SPATA6L: variants seen among roughly 807,000 people sequenced by gnomAD.
SPATA6L encodes the protein spermatogenesis associated 6 like.
In SPATA6L, 68 loss-of-function variants were observed where a neutral mutation model predicts 49.2. The ratio of observed to expected loss-of-function variants is 1.38; its 90% CI spans 1.14 to 1.69. The LOEUF is 1.69. Among genes scored for constraint, SPATA6L ranks in the 40% most tolerant of loss-of-function variants. The probability of loss-of-function intolerance (pLI) is 0.00; values close to 1 mark genes in which losing one functional copy is unlikely to be tolerated. For missense variants in SPATA6L, 668 were observed against 464.3 expected (o/e 1.44, Z -4.03); for synonymous variants, 198 against 165.7 (o/e 1.19, Z -1.50).
At position 4,662,371 on chromosome 9, in the gene SPATA6L, C is replaced by T. The variant is rs758857857; in HGVS notation, c.40-335G>A. Reference sequence around the variant, plus strand: ...CAGGTCCCGGGATCCGGGCCGCCAGCTGCGATGCCAAGTCCCCGGAGGAGC... The same window carrying T: ...CAGGTCCCGGGATCCGGGCCGCCAGTTGCGATGCCAAGTCCCCGGAGGAGC... On this transcript the variant is annotated intron_variant, in intron 1 of 11. Transcript: ENST00000682582. This position sits in a 1 kb window ranked among gnomAD's most constrained non-coding sequence, Gnocchi z 4.9. 4.6e-6 allele frequency: 7 copies of T among 1,506,010 alleles called. No homozygotes were observed. In the African/African-American group the frequency reaches 5.6e-5, roughly 12 times the overall value. 93.3% of individuals were successfully genotyped at this position (1,506,010 alleles called of 1,614,324 possible).
intron 10 of SPATA6L, 152 bp downstream of exon 10, chr9:4,605,195 T>C: frequency 1.6e-6 from 1 of 643,306 alleles, no homozygotes; most frequent in Non-Finnish European, 2.8e-6. Flanking sequence ...CCATTCAATC[T>C]CAGGACAACA....
Position 4,622,409 on chromosome 9 carries a change from T to TC in SPATA6L, c.770dup (p.Ala258SerfsTer5), listed in dbSNP as rs1301112848. ...AGGAGTAACAAGAAACTCGAGTACC[T>TC]CTTCTCGTTGGAAACGGAAAGTCTG... On this transcript the variant is annotated frameshift_variant and splice_region_variant, in exon 7 of 12. Transcript: ENST00000682582. LOFTEE classifies it high-confidence loss of function. 1 of 1,597,964 alleles carries TC rather than the reference T, an allele frequency of 6.3e-7. No individual in the cohort carries two copies. The highest frequency in any genetic ancestry group is 1.3e-5 in the African/African-American group (1 of 74,580).
intron 9 of SPATA6L, among the ~76,000 whole-genome samples, chr9:4,610,329 G>T (rs1245382262): frequency 6.7e-6 from 1 of 148,548 alleles, no homozygotes. Flanking sequence ...AAAACAGCCC[G>T]CATCGCCAAG....
intron 3 of SPATA6L, among the ~76,000 whole-genome samples, chr9:4,648,435 C>T (rs1835941479): frequency 6.6e-6 from 1 of 152,100 alleles, no homozygotes; most frequent in African/African-American, 2.4e-5. Flanking sequence ...CACCGTGGCT[C>T]ACGCCTGTAA....
intron 3 of SPATA6L, among the ~76,000 whole-genome samples, chr9:4,641,848 C>T (rs752913259): frequency 1.1e-4 from 16 of 152,224 alleles, no homozygotes; most frequent in Non-Finnish European, 2.1e-4. Flanking sequence ...TCACAGCTCA[C>T]TGCAGCCTCA....
At chr9:4,613,738 C>A (rs1180832688) in intron 9 of SPATA6L, among the ~76,000 whole-genome samples, 3 of 152,102 alleles carry the variant, frequency 2.0e-5, no homozygotes, top group Admixed American at 2.0e-4. Flanking sequence ...TATAAGCCAC[C>A]AAGCCCAGCG....
chr9:4,644,703 A>T (rs1336687124), intron 3 of SPATA6L, among the ~76,000 whole-genome samples: 6 of 151,874 alleles, frequency 4.0e-5, no homozygotes, highest in African/African-American at 1.4e-4. Context: ...ACACACACAC[A>T]CACACACACA....
chr9:4,632,057 T>TTG (rs1831690479), intron 4 of SPATA6L, among the ~76,000 whole-genome samples: 1 of 145,842 alleles, frequency 6.9e-6, no homozygotes, highest in South Asian at 2.2e-4. Context: ...TTTTTTTTTT[T>TTG]GAGATGCAGT....
In SPATA6L at chr9:4,605,861, G is replaced by A. The variant is rs574067960; in HGVS notation, c.996-421C>T. Among the ~76,000 whole-genome samples, 17 of 152,340 alleles carry A rather than the reference G, an allele frequency of 1.1e-4. 1 individual carries two copies. In the East Asian group the frequency reaches 3.3e-3, roughly 29 times the overall value. On this transcript the variant is annotated intron_variant, in intron 9 of 11. Transcript: ENST00000682582. ...GTCTCCAGCTCCCAGCGTGAGCGAC[G>A]CAGAGGACGGGTGATTTCTGCATTT...
chr9:4,597,319 TACACACACACACACACACAC>T (rs57570250), downstream of SPATA6L, among the ~76,000 whole-genome samples: 7,610 of 143,712 alleles, frequency 0.053, 483 homozygotes, highest in African/African-American at 0.14. Context: ...GAAAACAAAA[TACACACACACACACACACAC>T]ACACACACAC....
At chr9:4,637,374 C>T (rs1477086312) in intron 3 of SPATA6L, among the ~76,000 whole-genome samples, 1 of 152,160 alleles carries the variant, frequency 6.6e-6, no homozygotes, top group Admixed American at 6.5e-5. Context: ...CCAGACACTC[C>T]CCATCACAAT....
intron 3 of SPATA6L, among the ~76,000 whole-genome samples, chr9:4,651,268 G>A (rs988593020): frequency 6.6e-6 from 1 of 151,914 alleles, no homozygotes; most frequent in South Asian, 2.1e-4. Context: ...TAAATGAAAT[G>A]GAAAAACTCC....
rs553148863 is a variant in SPATA6L at position 4,617,887 on chromosome 9, A to G, written c.995+36T>C. On this transcript the variant is annotated intron_variant, in intron 9 of 11. Transcript: ENST00000682582. ...CTTTACCCCTGCCAGGCCACAATGCACTCGTCAGGCAAACAGATGGGTGCT... is the reference window on the plus strand; with the variant it reads ...CTTTACCCCTGCCAGGCCACAATGCGCTCGTCAGGCAAACAGATGGGTGCT... The G allele has an allele frequency of 3.1e-5, 47 of 1,538,902 alleles. No homozygotes were observed. In the South Asian group the frequency reaches 5.2e-4, roughly 17 times the overall value.
At chr9:4,608,042 CAAAG>C (rs1334942161) in intron 9 of SPATA6L, among the ~76,000 whole-genome samples, 23 of 148,146 alleles carry the variant, frequency 1.6e-4, no homozygotes, top group Admixed American at 2.7e-4. Context: ...TCAAAAGAGA[CAAAG>C]AAGGCCATTA....
At chr9:4,638,343 C>G (rs1031699392) in intron 3 of SPATA6L, among the ~76,000 whole-genome samples, 5 of 152,118 alleles carry the variant, frequency 3.3e-5, no homozygotes, top group Non-Finnish European at 5.9e-5. Context: ...TCCCAAGCAG[C>G]TGGGACTAGA....
At chr9:4,614,058 T>C (rs1411561238) in intron 9 of SPATA6L, among the ~76,000 whole-genome samples, 1 of 152,240 alleles carries the variant, frequency 6.6e-6, no homozygotes, top group Non-Finnish European at 1.5e-5. Flanking sequence ...CAATTTATTT[T>C]ACATTTGAAG....
At chr9:4,617,331 C>T (rs1312831822) in intron 9 of SPATA6L, 1 of 152,196 alleles carries the variant, frequency 6.6e-6, no homozygotes, top group African/African-American at 2.4e-5. Flanking sequence ...GCCTAAGATT[C>T]AAGGGTTTCC....
intron 3 of SPATA6L, among the ~76,000 whole-genome samples, chr9:4,647,839 T>TG (rs1835761892): frequency 2.2e-5 from 2 of 93,010 alleles, no homozygotes; most frequent in Non-Finnish European, 4.1e-5. Context: ...ATTTTAGTTT[T>TG]TTTTTTTTTT....
chr9:4,650,387 C>G (rs1212255158), intron 3 of SPATA6L, among the ~76,000 whole-genome samples: 5 of 152,124 alleles, frequency 3.3e-5, no homozygotes, highest in Admixed American at 3.3e-4. Flanking sequence ...CATCCACACA[C>G]TTTTCACCCT....
Sources: allele counts gnomAD v4.1 joint callset (sites outside exome capture counted in the v4.1 genomes callset), GRCh38; gene constraint gnomAD v4.1.1; non-coding constraint Gnocchi (gnomAD v3.1); transcripts MANE v1.5; gene names NCBI Gene and HGNC (gene_info 2026-07-23, HGNC 2026-07-21).